Variants in NALCN observed in about 807,000 individuals in gnomAD.
NALCN encodes sodium leak channel NALCN.
A neutral mutation model predicts 225.3 loss-of-function variants in NALCN; 111 were observed. The observed-to-expected ratio is 0.49, with a 90% CI of 0.42 to 0.58. The LOEUF (loss-of-function observed/expected upper bound fraction) is 0.58, where lower values mean the gene tolerates loss of function less well. Ranked by LOEUF, NALCN falls within the 20% of genes least tolerant of loss-of-function variation. The pLI, the probability that NALCN is intolerant of heterozygous loss-of-function variation, is 0.00. For synonymous variants in NALCN, 764 were observed against 769.0 expected, an observed-to-expected ratio of 0.99 and a Z score of 0.11; for missense variants, 1,378 against 2,202.4, an observed-to-expected ratio of 0.63 and a Z score of 7.49.
At chr13:101,242,649 C>T (rs1324527679) in intron 11 of NALCN, among the ~76,000 whole-genome samples, 1 of 106,880 alleles carries the variant, frequency 9.4e-6, no homozygotes, top group African/African-American at 3.3e-5. Flanking sequence ...CTATTGAGAT[C>T]CAATGCCCAT....
intron 10 of NALCN, among the ~76,000 whole-genome samples, chr13:101,271,796 T>G (rs904088909): frequency 6.6e-6 from 1 of 151,894 alleles, no homozygotes; most frequent in African/African-American, 2.4e-5. Context: ...TCTGTGTGCA[T>G]GCATGTGTGT....
In NALCN at chr13:101,144,847, C is replaced by A. The variant is rs1442802672; in HGVS notation, c.1889G>T (p.Arg630Leu). 1 of 1,612,808 alleles carries A rather than the reference C, an allele frequency of 6.2e-7. No homozygotes were observed. The highest frequency in any genetic ancestry group is 8.5e-7 in the Non-Finnish European group (1 of 1,179,484). The change falls in exon 16 of 44, where the codon CGC becomes CTC. Residue 630 changes from arginine (R) to leucine (L), a missense_variant. Coordinates refer to ENST00000251127, the MANE Select transcript of NALCN (RefSeq NM_052867.4). Reference sequence around the variant, plus strand: ...TGGAAATTTTTCAAAGATTCGCAGGCGTAAAGGGAGCTTTTCTTTGGTGTC... The same window carrying A: ...TGGAAATTTTTCAAAGATTCGCAGGAGTAAAGGGAGCTTTTCTTTGGTGTC... ...NADTKEKLPLRLRIFEKFPNR... is the reference protein window; with the variant it reads ...NADTKEKLPLLLRIFEKFPNR...
intron 7 of NALCN, among the ~76,000 whole-genome samples, chr13:101,330,577 C>A (rs72654857): frequency 6.6e-6 from 1 of 152,296 alleles, no homozygotes; most frequent in Middle Eastern, 3.4e-3. Context: ...AGAATCCAGA[C>A]CTGGGCCAAC....
At chr13:101,246,936 T>A (rs1219892466) in intron 11 of NALCN, among the ~76,000 whole-genome samples, 2 of 152,182 alleles carry the variant, frequency 1.3e-5, no homozygotes, top group Admixed American at 6.5e-5. Context: ...TCATGATTTA[T>A]GAAACCCCTT....
intron 6 of NALCN, among the ~76,000 whole-genome samples, chr13:101,371,056 G>A (rs1161759630): frequency 1.3e-5 from 2 of 152,050 alleles, no homozygotes; most frequent in Non-Finnish European, 2.9e-5. Flanking sequence ...ATTATTTTGA[G>A]ATTTATCCAA....
intron 15 of NALCN, among the ~76,000 whole-genome samples, chr13:101,155,075 A>T (rs1469156388): frequency 1.3e-5 from 2 of 151,970 alleles, no homozygotes; most frequent in Admixed American, 1.3e-4. Context: ...TTGCATTATT[A>T]CAGCTTACCA....
At chr13:101,102,081 A>T (rs1417122508) in intron 26 of NALCN, among the ~76,000 whole-genome samples, 1 of 152,004 alleles carries the variant, frequency 6.6e-6, no homozygotes, top group Non-Finnish European at 1.5e-5. Context: ...TCAGGAGTTC[A>T]AGGGCAGCAT....
chr13:101,081,424 C>T, intron 34 of NALCN, 103 bp downstream of exon 34: 1 of 1,544,024 alleles, frequency 6.5e-7, no homozygotes, highest in Non-Finnish European at 8.8e-7. Context: ...TCTAACACCT[C>T]AGAGCAGGTT....
At chr13:101,127,511 A>G (rs1156907773) in intron 17 of NALCN, among the ~76,000 whole-genome samples, 4 of 152,014 alleles carry the variant, frequency 2.6e-5, no homozygotes, top group Non-Finnish European at 5.9e-5. Context: ...GGCATGCACT[A>G]CCACACCGGC....
At chr13:101,068,463 C>T (rs1030567173) in intron 38 of NALCN, among the ~76,000 whole-genome samples, 7 of 152,000 alleles carry the variant, frequency 4.6e-5, no homozygotes, top group Non-Finnish European at 7.4e-5. Flanking sequence ...TGAGAAGAGC[C>T]CTTTTGAAAT....
chr13:101,210,477 G>A (rs760092410), intron 13 of NALCN, among the ~76,000 whole-genome samples: 2 of 152,140 alleles, frequency 1.3e-5, no homozygotes, highest in African/African-American at 2.4e-5. Flanking sequence ...CTATTTCCGC[G>A]TCTGGAAATA....
intron 3 of NALCN, among the ~76,000 whole-genome samples, chr13:101,389,030 T>G (rs913943702): frequency 3.3e-5 from 5 of 152,262 alleles, no homozygotes; most frequent in Non-Finnish European, 4.4e-5. Context: ...ATGTTAGCAT[T>G]CTCCCAAGAC....
chr13:101,344,760 C>G (rs1415519113), intron 7 of NALCN, among the ~76,000 whole-genome samples: 1 of 152,170 alleles, frequency 6.6e-6, no homozygotes, highest in Non-Finnish European at 1.5e-5. Flanking sequence ...ACAAGCATTT[C>G]CCATACATTT....
chr13:101,069,358 G>A (rs2032673354), intron 37 of NALCN, among the ~76,000 whole-genome samples: 2 of 152,202 alleles, frequency 1.3e-5, no homozygotes, highest in Admixed American at 1.3e-4. Context: ...CCATACTGTG[G>A]CTTATTAAGT....
intron 10 of NALCN, among the ~76,000 whole-genome samples, chr13:101,270,299 G>A (rs758372243): frequency 2.0e-5 from 3 of 152,146 alleles, no homozygotes; most frequent in African/African-American, 7.2e-5. Flanking sequence ...GTGACACGAC[G>A]CCATGATGGT....
intron 13 of NALCN, among the ~76,000 whole-genome samples, chr13:101,214,985 T>A (rs562407900): frequency 5.3e-5 from 8 of 152,290 alleles, no homozygotes; most frequent in Non-Finnish European, 1.0e-4. Context: ...TAAATGGTAC[T>A]GTGGCAATTG....
chr13:101,399,201 C>T (rs946965821), intron 1 of NALCN, 36 bp from the exon 2 acceptor site: 3 of 1,539,764 alleles, frequency 1.9e-6, no homozygotes, highest in South Asian at 1.2e-5. Context: ...TCATCTAAAC[C>T]ATCTTGCCCT....
chr13:101,094,478 CAT>C (rs547952178), intron 28 of NALCN, among the ~76,000 whole-genome samples: 49 of 152,146 alleles, frequency 3.2e-4, no homozygotes, highest in South Asian at 6.2e-4. Flanking sequence ...TAAATTATAA[CAT>C]AAATAACTTT....
At chr13:101,310,209 C>G (rs748950138) in intron 7 of NALCN, among the ~76,000 whole-genome samples, 2 of 152,182 alleles carry the variant, frequency 1.3e-5, no homozygotes, top group Non-Finnish European at 2.9e-5. Context: ...TTTGTCTCGC[C>G]TCTACTCAAA....
Sources: allele counts gnomAD v4.1 joint callset (sites outside exome capture counted in the v4.1 genomes callset), GRCh38; gene constraint gnomAD v4.1.1; transcripts MANE v1.5; gene names NCBI Gene and HGNC (gene_info 2026-07-23, HGNC 2026-07-21).